The following AGFG1 variants were observed in gnomAD, a reference collection of about 807,000 sequenced individuals.
AGFG1 encodes the protein ArfGAP with FG repeats 1.
A neutral mutation model predicts 60.6 loss-of-function variants in AGFG1; 10 were observed. That is an observed-to-expected ratio of 0.16 (90% CI 0.10 to 0.28). The LOEUF (loss-of-function observed/expected upper bound fraction) is 0.28, where lower values mean the gene tolerates loss of function less well. Among genes scored for constraint, AGFG1 ranks in the 10% least tolerant of loss-of-function variants. AGFG1 has a pLI of 1.00. For synonymous variants in AGFG1, 247 were observed against 242.9 expected (o/e 1.02, Z -0.16); for missense variants, 537 against 676.5 (o/e 0.79, Z 2.29).
chr2:227,472,895 C>G (rs894560258), intron 1 of AGFG1, among the ~76,000 whole-genome samples: 1 of 148,266 alleles, frequency 6.7e-6, no homozygotes, highest in Non-Finnish European at 1.5e-5. Context: ...GCGAGCGTCC[C>G]TGGTCTCCGT....
At chr2:227,547,555 A>G (rs551932080) in intron 10 of AGFG1, among the ~76,000 whole-genome samples, 1 of 152,334 alleles carries the variant, frequency 6.6e-6, no homozygotes, top group East Asian at 1.9e-4. Flanking sequence ...CTGATAAGGG[A>G]CTTGTATTCA....
intron 1 of AGFG1, among the ~76,000 whole-genome samples, chr2:227,485,738 T>G (rs1292240236): frequency 6.6e-6 from 1 of 152,236 alleles, no homozygotes; most frequent in East Asian, 1.9e-4. Context: ...TCCACATTTA[T>G]AATTTTTCAT....
At chr2:227,484,688 GTTTTTTTTTTTTTTTTTTT>G (rs745570416) in intron 1 of AGFG1, among the ~76,000 whole-genome samples, 1 of 25,092 alleles carries the variant, frequency 4.0e-5, no homozygotes, top group Non-Finnish European at 8.2e-5. Flanking sequence ...TTTTTTTTTT[GTTTTTTTTTTTTTTTTTTT>G]TTTTTTTTTT....
chr2:227,514,025 C>T (rs893037782), intron 2 of AGFG1, among the ~76,000 whole-genome samples: 1 of 152,096 alleles, frequency 6.6e-6, no homozygotes, highest in Non-Finnish European at 1.5e-5. Flanking sequence ...GCTAGAAGTT[C>T]AGAGGAGGGA....
At chr2:227,475,588 G>A (rs1324118790) in intron 1 of AGFG1, among the ~76,000 whole-genome samples, 1 of 152,184 alleles carries the variant, frequency 6.6e-6, no homozygotes, top group Non-Finnish European at 1.5e-5. Context: ...TGTATCTGAT[G>A]TTTAGATGAC....
chr2:227,549,513 C>G (rs911654510), intron 10 of AGFG1, among the ~76,000 whole-genome samples: 2 of 152,082 alleles, frequency 1.3e-5, no homozygotes, highest in African/African-American at 4.8e-5. Flanking sequence ...CCTGTAAATA[C>G]CGCTTACCTT....
chr2:227,508,742 A>G (rs1691403070), intron 2 of AGFG1: 2 of 420,320 alleles, frequency 4.8e-6, no homozygotes, highest in South Asian at 3.5e-5. Flanking sequence ...AAAAGAACAG[A>G]AAAGTAAAAC....
At position 227,476,544 on chromosome 2, in the gene AGFG1, C is replaced by T. The variant is rs558696623; in HGVS notation, c.167+3956C>T. Among the ~76,000 whole-genome samples, 6 of 152,252 alleles carry T rather than the reference C, an allele frequency of 3.9e-5. No individual in the cohort carries two copies. The South Asian group carries it at 1.2e-3, about 32-fold the overall frequency. On this transcript the variant is annotated intron_variant, in intron 1 of 12. Coordinates refer to ENST00000310078, the MANE Select transcript of AGFG1 (RefSeq NM_004504.5). Reference sequence around the variant, plus strand: ...TTTAATACCATCTATTTTATGTGGACAGTGCATTTAAGCTTGAAATTTCAC... The same window carrying T: ...TTTAATACCATCTATTTTATGTGGATAGTGCATTTAAGCTTGAAATTTCAC...
chr2:227,539,126 A>C (rs1419185269), intron 10 of AGFG1, among the ~76,000 whole-genome samples: 1 of 152,184 alleles, frequency 6.6e-6, no homozygotes, highest in Admixed American at 6.6e-5. Flanking sequence ...AATATTATTT[A>C]AGAATTTTTT....
At chr2:227,542,467 AT>A (rs1427181106) in intron 10 of AGFG1, among the ~76,000 whole-genome samples, 1 of 152,072 alleles carries the variant, frequency 6.6e-6, no homozygotes, top group African/African-American at 2.4e-5. Flanking sequence ...ATGTTTATTG[AT>A]TTGCATATGT....
In AGFG1 at chr2:227,558,101, G is replaced by C. The variant is rs965415827; in HGVS notation, c.*3606G>C. On this transcript the variant is annotated 3_prime_UTR_variant, in exon 13 of 13. Coordinates refer to ENST00000310078, the MANE Select transcript of AGFG1 (RefSeq NM_004504.5). Reference sequence around the variant, plus strand: ...TAATAGCAGTGGTATTATGGGCTGTGTATGAGATAGTCATTTGTAAAACAA... The same window carrying C: ...TAATAGCAGTGGTATTATGGGCTGTCTATGAGATAGTCATTTGTAAAACAA... 1 of 152,118 alleles carries C rather than the reference G, an allele frequency of 6.6e-6. No individual in the cohort carries two copies. Among genetic ancestry groups the C allele is most frequent in the Admixed American group, 6.5e-5 (1 of 15,276 alleles). The allele number at this position is 152,118 out of a possible 1,614,324, so 9.4% of individuals were successfully genotyped here. A position where few individuals can be genotyped will look rare whatever the true frequency, so the allele number is the denominator to read the frequency against.
intron 10 of AGFG1, 61 bp downstream of exon 10, chr2:227,537,054 C>G: frequency 1.4e-6 from 2 of 1,424,450 alleles, no homozygotes; most frequent in South Asian, 2.4e-5. Flanking sequence ...ACAAAGACAC[C>G]ATGTGAAGAA....
intron 1 of AGFG1, 36 bp downstream of exon 1, chr2:227,472,624 T>C: frequency 1.5e-6 from 2 of 1,377,702 alleles, no homozygotes; most frequent in African/African-American, 1.5e-5. Context: ...GTCGGGCCCT[T>C]CCCGGGAGGT....
intron 11 of AGFG1, 56 bp downstream of exon 11, chr2:227,552,173 A>G: frequency 6.3e-7 from 1 of 1,596,588 alleles, no homozygotes; most frequent in Non-Finnish European, 8.6e-7. Context: ...TTTTTATATC[A>G]TAATGTTGTG....
intron 10 of AGFG1, among the ~76,000 whole-genome samples, chr2:227,548,185 T>C (rs1381190180): frequency 1.0e-5 from 1 of 95,502 alleles, no homozygotes; most frequent in Non-Finnish European, 2.4e-5. Flanking sequence ...TTAGTAGTGG[T>C]GGGGCAGCAT....
Position 227,553,695 on chromosome 2 carries a change from T to G in AGFG1, c.1538-9T>G. On this transcript the variant is annotated splice_polypyrimidine_tract_variant and intron_variant, in intron 11 of 12. Transcript: ENST00000310078. ...TATGGGTTATAATTGGTGGTTCTAT[T>G]TTAACAAGGTGCAGGTTTTGCAGCA... 6.2e-7 allele frequency: 1 copy of G among 1,612,634 alleles called. No individual in the cohort carries two copies. The highest frequency in any genetic ancestry group is 8.5e-7 in the Non-Finnish European group (1 of 1,178,814).
chr2:227,534,989 C>G lies in AGFG1; in HGVS notation c.1169C>G (p.Ser390Cys), dbSNP rs929721141. 27 of 1,613,602 alleles carry G rather than the reference C, an allele frequency of 1.7e-5. No individual in the cohort carries two copies. The highest frequency in any genetic ancestry group is 2.3e-5 in the Non-Finnish European group (27 of 1,179,802). ...AGCGTTTTCAGTTCTGCAGCCACCTCCAGTAATGCGTATACTTCCACAAGT... is the reference window on the plus strand; with the variant it reads ...AGCGTTTTCAGTTCTGCAGCCACCTGCAGTAATGCGTATACTTCCACAAGT... ...LDSVFSSAATSSNAYTSTSNA... is the reference protein window; with the variant it reads ...LDSVFSSAATCSNAYTSTSNA... The change falls in exon 8 of 13, where the codon TCC (serine) becomes TGC (cysteine). Residue 390 changes from serine to cysteine, a missense_variant. Coordinates refer to ENST00000310078, the MANE Select transcript of AGFG1 (RefSeq NM_004504.5).
At position 227,472,430 on chromosome 2, in the gene AGFG1, C is replaced by T; in HGVS notation, c.9C>T (p.Ala3=). 6.6e-7 allele frequency: 1 copy of T among 1,520,424 alleles called. No individual in the cohort carries two copies. The highest frequency in any genetic ancestry group is 1.2e-5 in the South Asian group (1 of 82,968). The allele number at this position is 1,520,424 out of a possible 1,614,324, so 94.2% of individuals were successfully genotyped here. The change falls in exon 1 of 13, where the codon GCC becomes GCT. Residue 3 remains alanine, a synonymous_variant. Coordinates refer to ENST00000310078, the MANE Select transcript of AGFG1 (RefSeq NM_004504.5). ...CCCTTGGCGCCGCGGCCATGGCGGC[C>T]AGCGCGAAGCGGAAGCAGGAGGAGA... MA[A]SAKRKQEEKH...
intron 1 of AGFG1, among the ~76,000 whole-genome samples, chr2:227,488,790 A>G (rs1690712685): frequency 6.6e-6 from 1 of 152,168 alleles, no homozygotes; most frequent in South Asian, 2.1e-4. Context: ...TGACTTTTCT[A>G]AATTTTCACT....
Sources: gnomAD v4.1 joint callset for allele counts (sites outside exome capture counted in the v4.1 genomes callset) on GRCh38, gnomAD v4.1.1 for gene constraint, MANE v1.5 for transcripts, NCBI Gene and HGNC (gene_info 2026-07-23, HGNC 2026-07-21) for gene names.